Variants in TBL1XR1 observed in about 807,000 individuals in gnomAD.
TBL1XR1 encodes the protein TBL1X/Y related 1.
Under a neutral mutation model 66.9 loss-of-function variants are expected in TBL1XR1, and 5 were observed. The observed-to-expected ratio is 0.07, with a 90% confidence interval of 0.04 to 0.16. The LOEUF (loss-of-function observed/expected upper bound fraction) is 0.16. Among genes scored for constraint, TBL1XR1 ranks in the 10% least tolerant of loss-of-function variants. The probability of loss-of-function intolerance (pLI) is 1.00; values close to 1 mark genes in which losing one functional copy is unlikely to be tolerated. For missense variants in TBL1XR1, 238 were observed against 623.2 expected, an observed-to-expected ratio of 0.38 and a Z score of 6.58; for synonymous variants, 210 against 206.0, an observed-to-expected ratio of 1.02 and a Z score of -0.17.
intron 1 of TBL1XR1, among the ~76,000 whole-genome samples, chr3:177,176,772 G>A (rs1022364009): frequency 1.3e-5 from 2 of 151,942 alleles, no homozygotes; most frequent in Admixed American, 6.6e-5. Flanking sequence ...CCAAGATTGC[G>A]CCACTGCACT....
Position 177,102,850 on chromosome 3 carries a change from G to C in TBL1XR1, c.-121-4309C>G, listed in dbSNP as rs148398261. 5.3e-5 allele frequency among the ~76,000 whole-genome samples: 8 copies of C among 152,230 alleles called. No homozygotes were observed. In the East Asian group the frequency reaches 1.5e-3, roughly 29 times the overall value. On this transcript the variant is annotated intron_variant, in intron 1 of 15. Transcript: ENST00000457928. Reference sequence around the variant, plus strand: ...AATTATCCACCCCACCATCCAGAGAGAGAAATGAGCCCCAGCTTAACATAT... The same window carrying C: ...AATTATCCACCCCACCATCCAGAGACAGAAATGAGCCCCAGCTTAACATAT...
chr3:177,078,215 T>A (rs1414331831), intron 2 of TBL1XR1, among the ~76,000 whole-genome samples: 1 of 152,226 alleles, frequency 6.6e-6, no homozygotes, highest in Non-Finnish European at 1.5e-5. Context: ...GCAGCCTGTA[T>A]CTTATAAGGC....
chr3:177,114,513 C>A (rs1726056372), intron 1 of TBL1XR1, among the ~76,000 whole-genome samples: 1 of 151,700 alleles, frequency 6.6e-6, no homozygotes, highest in Non-Finnish European at 1.5e-5. Context: ...GTTGTCCAGG[C>A]TAGTCTTGAA....
At chr3:177,077,224 C>T (rs773289134) in intron 2 of TBL1XR1, among the ~76,000 whole-genome samples, 9 of 152,124 alleles carry the variant, frequency 5.9e-5, no homozygotes, top group Non-Finnish European at 1.2e-4. Context: ...CTAAAAAGAA[C>T]CACAAAGAAA....
chr3:177,173,087 T>C (rs1383865398), intron 1 of TBL1XR1, among the ~76,000 whole-genome samples: 3 of 152,142 alleles, frequency 2.0e-5, no homozygotes, highest in Non-Finnish European at 4.4e-5. Flanking sequence ...CTCCGCAGTC[T>C]GAGGCAGGAG....
chr3:177,105,358 G>A (rs1369646411), intron 1 of TBL1XR1, among the ~76,000 whole-genome samples: 5 of 152,234 alleles, frequency 3.3e-5, no homozygotes, highest in South Asian at 2.1e-4. Flanking sequence ...GTGGGGGGCC[G>A]AAGGAGGGGT....
chr3:177,135,377 A>ATATATATG (rs1728866793), intron 1 of TBL1XR1, among the ~76,000 whole-genome samples: 2 of 30,210 alleles, frequency 6.6e-5, no homozygotes, highest in Non-Finnish European at 1.1e-4. Context: ...ATATATATAT[A>ATATATATG]TATATGTATG....
chr3:177,197,710 C>CG (rs1205159334), upstream of TBL1XR1, among the ~76,000 whole-genome samples: 71 of 22,414 alleles, frequency 3.2e-3, no homozygotes, highest in African/African-American at 5.6e-3. Flanking sequence ...GGCGGCGCGG[C>CG]GGGGGGGCTC....
intron 1 of TBL1XR1, among the ~76,000 whole-genome samples, chr3:177,132,978 A>G (rs1240066000): frequency 6.6e-6 from 1 of 152,216 alleles, no homozygotes; most frequent in Non-Finnish European, 1.5e-5. Flanking sequence ...ATACAATCAT[A>G]TAATTTCACT....
rs1356001428 is a variant in TBL1XR1, at chr3:177,019,542, A to G, written c.*5956T>C. The G allele has an allele frequency of 6.6e-6, 1 of 152,202 alleles. No homozygotes were observed. The highest frequency in any genetic ancestry group is 6.5e-5 in the Admixed American group (1 of 15,288). 9.4% of individuals were successfully genotyped at this position (152,202 alleles called of 1,614,324 possible). ...CATTGATGACAAAGCACTTTGGTAC[A>G]GCAGAGAAAAGCACCATAAAACTAC... On this transcript the variant is annotated 3_prime_UTR_variant, in exon 16 of 16. Coordinates refer to ENST00000457928, the MANE Select transcript of TBL1XR1 (RefSeq NM_024665.7).
chr3:177,086,560 G>T lies in TBL1XR1; in HGVS notation c.-46+11906C>A, dbSNP rs574167102. On this transcript the variant is annotated intron_variant, in intron 2 of 15. Transcript: ENST00000457928. The stretch of plus-strand genomic sequence containing the variant: ...TACATGACATGGGGTTGGAGCAACG[G>T]AAGTCTCTTTTCTGAAATAAATTTT... 4.9e-4 allele frequency among the ~76,000 whole-genome samples: 74 copies of T among 152,180 alleles called. 1 individual carries two copies. The highest frequency in any genetic ancestry group is 1.7e-3 in the African/African-American group (69 of 41,530).
intron 1 of TBL1XR1, among the ~76,000 whole-genome samples, chr3:177,121,950 G>T (rs1221825003): frequency 6.6e-6 from 1 of 152,050 alleles, no homozygotes; most frequent in Non-Finnish European, 1.5e-5. Context: ...GGGATTGAAA[G>T]AATCACAATG....
intron 1 of TBL1XR1, among the ~76,000 whole-genome samples, chr3:177,112,985 T>C (rs1725841182): frequency 6.7e-6 from 1 of 149,366 alleles, no homozygotes; most frequent in South Asian, 2.2e-4. Context: ...TGCACTCCGA[T>C]GAAGCAAGAC....
At chr3:177,111,176 C>T (rs760805796) in intron 1 of TBL1XR1, among the ~76,000 whole-genome samples, 3 of 152,004 alleles carry the variant, frequency 2.0e-5, no homozygotes, top group Non-Finnish European at 4.4e-5. Context: ...TATCATTATT[C>T]AGGTAGGTAT....
chr3:177,174,094 A>G (rs1733875510), intron 1 of TBL1XR1, among the ~76,000 whole-genome samples: 2 of 152,108 alleles, frequency 1.3e-5, no homozygotes, highest in Non-Finnish European at 2.9e-5. Context: ...ATAAGCATCT[A>G]ATTTATTTAT....
At chr3:177,072,401 C>T (rs1720135085) in intron 2 of TBL1XR1, among the ~76,000 whole-genome samples, 1 of 151,580 alleles carries the variant, frequency 6.6e-6, no homozygotes, top group Admixed American at 6.6e-5. Context: ...ACTGCTCACA[C>T]CTTAGTATTA....
intron 1 of TBL1XR1, among the ~76,000 whole-genome samples, chr3:177,190,570 G>A (rs1381706607): frequency 6.6e-6 from 1 of 151,992 alleles, no homozygotes; most frequent in Non-Finnish European, 1.5e-5. Flanking sequence ...CCCCTGCCTG[G>A]GCCTCCCAAA....
intron 2 of TBL1XR1, among the ~76,000 whole-genome samples, chr3:177,090,804 C>T (rs549548817): frequency 5.9e-5 from 9 of 151,834 alleles, no homozygotes; most frequent in South Asian, 4.2e-4. Flanking sequence ...AGCGAGACTC[C>T]GTCTCGAAAT....
intron 1 of TBL1XR1, among the ~76,000 whole-genome samples, chr3:177,108,454 T>C (rs1468271578): frequency 6.6e-6 from 1 of 152,182 alleles, no homozygotes; most frequent in Non-Finnish European, 1.5e-5. Flanking sequence ...TCCATACAAC[T>C]GTAAGCAAGC....
Sources: gnomAD v4.1 joint callset for allele counts (sites outside exome capture counted in the v4.1 genomes callset) on GRCh38, gnomAD v4.1.1 for gene constraint, MANE v1.5 for transcripts, NCBI Gene and HGNC (gene_info 2026-07-23, HGNC 2026-07-21) for gene names.